SH3KBP1: variants seen among roughly 807,000 people sequenced by gnomAD.
SH3KBP1 encodes SH3 domain-containing kinase-binding protein 1.
SH3KBP1 carries 8 observed loss-of-function variants against 50.1 expected under a neutral mutation model. The observed-to-expected ratio is 0.16, with a 90% CI of 0.09 to 0.29. The LOEUF is 0.29. SH3KBP1 is among the 10% of genes least tolerant of loss of function. The pLI is 1.00. For missense variants in SH3KBP1, 377 were observed against 535.2 expected, an observed-to-expected ratio of 0.70 and a Z score of 2.92; for synonymous variants, 227 against 218.6, an observed-to-expected ratio of 1.04 and a Z score of -0.34.
At chrX:19,646,166 C>T (rs1312362482) in intron 6 of SH3KBP1, among the ~76,000 whole-genome samples, 1 of 112,049 alleles carries the variant, frequency 8.9e-6, no homozygotes, top group African/African-American at 3.2e-5. Context: ...TCCAGCGCCT[C>T]AGACCCTATG....
At chrX:19,867,051 C>CACATGTTGTTTTCACTCTT (rs1368772317) in intron 1 of SH3KBP1, among the ~76,000 whole-genome samples, 2 of 111,506 alleles carry the variant, frequency 1.8e-5, no homozygotes, top group African/African-American at 6.5e-5. Flanking sequence ...GCTTTAAAGT[C>CACATGTTGTTTTCACTCTT]ACATGTTGTT....
chrX:19,772,007 A>G (rs1392807865), intron 2 of SH3KBP1, among the ~76,000 whole-genome samples: 1 of 111,311 alleles, frequency 9.0e-6, no homozygotes, highest in Non-Finnish European at 1.9e-5. Context: ...TCAGGCTTAC[A>G]ACAAACGACT....
At chrX:19,591,646 T>G (rs1335439749) in intron 11 of SH3KBP1, among the ~76,000 whole-genome samples, 2 of 112,131 alleles carry the variant, frequency 1.8e-5, no homozygotes. Flanking sequence ...TTTATTTATC[T>G]GGACGTGAAT....
At chrX:19,781,078 T>C (rs868652167) in intron 2 of SH3KBP1, among the ~76,000 whole-genome samples, 1 of 112,382 alleles carries the variant, frequency 8.9e-6, no homozygotes, top group African/African-American at 3.2e-5. Context: ...TAGATTGTGG[T>C]ATATTCTTAC....
chrX:19,638,496 A>G (rs985375853), intron 7 of SH3KBP1, among the ~76,000 whole-genome samples: 1 of 111,014 alleles, frequency 9.0e-6, no homozygotes, highest in African/African-American at 3.3e-5. Flanking sequence ...AGCTTGTAAA[A>G]ATAGATCAAC....
intron 8 of SH3KBP1, among the ~76,000 whole-genome samples, chrX:19,612,480 G>T (rs1461406341): frequency 1.8e-5 from 2 of 111,496 alleles, no homozygotes; most frequent in Non-Finnish European, 3.8e-5. Flanking sequence ...TGGCCAGGCT[G>T]GTCTTGAACT....
intron 1 of SH3KBP1, among the ~76,000 whole-genome samples, chrX:19,884,841 C>T (rs977839487): frequency 8.9e-5 from 10 of 112,049 alleles, no homozygotes; most frequent in African/African-American, 3.2e-4. Flanking sequence ...TCAGAGGGCA[C>T]ATTCTGATGG....
At chrX:19,820,492 G>A (rs2067493948) in intron 2 of SH3KBP1, among the ~76,000 whole-genome samples, 1 of 110,441 alleles carries the variant, frequency 9.1e-6, no homozygotes, top group Admixed American at 9.6e-5. Flanking sequence ...TTGCTCTCTG[G>A]TCTACCCTAT....
intron 6 of SH3KBP1, among the ~76,000 whole-genome samples, chrX:19,662,065 T>C (rs1325425240): frequency 2.7e-5 from 3 of 112,206 alleles, no homozygotes; most frequent in Middle Eastern, 4.6e-3. Context: ...TATGCAACTT[T>C]CGCTTGTGTG....
chrX:19,717,841 C>A (rs1184910525), intron 3 of SH3KBP1, among the ~76,000 whole-genome samples: 2 of 111,442 alleles, frequency 1.8e-5, no homozygotes, highest in Non-Finnish European at 3.8e-5. Flanking sequence ...TATATATGAA[C>A]AAGAAATGAC....
intron 4 of SH3KBP1, among the ~76,000 whole-genome samples, chrX:19,697,244 G>A (rs2063438073): frequency 8.9e-6 from 1 of 111,892 alleles, no homozygotes; most frequent in African/African-American, 3.3e-5. Context: ...AGGAAAGTCT[G>A]TATTACCAAT....
intron 3 of SH3KBP1, among the ~76,000 whole-genome samples, chrX:19,740,027 GA>G (rs980245567): frequency 5.5e-5 from 6 of 109,353 alleles, no homozygotes; most frequent in Non-Finnish European, 1.1e-4. Context: ...AAACATAACA[GA>G]AAAAAAAATC....
intron 3 of SH3KBP1, among the ~76,000 whole-genome samples, chrX:19,718,895 CA>C (rs1419030457): frequency 9.0e-6 from 1 of 110,829 alleles, no homozygotes; most frequent in Non-Finnish European, 1.9e-5. Context: ...CATCAGTGAC[CA>C]AGCCAAGGTT....
chrX:19,878,513 A>T (rs780262862), intron 1 of SH3KBP1, among the ~76,000 whole-genome samples: 17,076 of 89,947 alleles, frequency 0.19, 2,666 homozygotes, highest in African/African-American at 0.53. Flanking sequence ...TGTGAGAGAG[A>T]GAGAGAGAGA....
intron 12 of SH3KBP1, among the ~76,000 whole-genome samples, chrX:19,571,893 G>A (rs2066020324): frequency 9.1e-6 from 1 of 109,949 alleles, no homozygotes; most frequent in Admixed American, 9.8e-5. Context: ...TGGGCAGCTG[G>A]GGTTAAGTCA....
intron 5 of SH3KBP1, chrX:19,687,636 C>T (rs1186213233): frequency 8.3e-7 from 1 of 1,206,322 alleles, no homozygotes; most frequent in Non-Finnish European, 1.1e-6. Context: ...GTCTGTGGCC[C>T]TCCGTCTTTC....
chrX:19,563,787 T>A (rs1003922388), intron 13 of SH3KBP1, among the ~76,000 whole-genome samples: 5 of 111,633 alleles, frequency 4.5e-5, no homozygotes, highest in African/African-American at 1.6e-4. Context: ...ACATCAACCA[T>A]GTCCTTGGTC....
At chrX:19,834,925 C>T (rs1246904478) in intron 2 of SH3KBP1, among the ~76,000 whole-genome samples, 1 of 108,636 alleles carries the variant, frequency 9.2e-6, no homozygotes, top group African/African-American at 3.4e-5. Context: ...ATCCCAGCTA[C>T]TCGGGAGGCT....
chrX:19,716,324 T>A (rs1455333602), intron 3 of SH3KBP1, among the ~76,000 whole-genome samples: 1 of 112,253 alleles, frequency 8.9e-6, no homozygotes, highest in Non-Finnish European at 1.9e-5. Flanking sequence ...ACCTGGACTG[T>A]TGCAGTGGAA....
Sources: allele counts gnomAD v4.1 joint callset (sites outside exome capture counted in the v4.1 genomes callset), GRCh38; gene constraint gnomAD v4.1.1; transcripts MANE v1.5; gene names NCBI Gene and HGNC (gene_info 2026-07-23, HGNC 2026-07-21).